The following NLGN4X variants were observed in gnomAD, a reference collection of about 807,000 sequenced individuals.
The protein encoded by NLGN4X is neuroligin-4, X-linked.
NLGN4X carries 3 observed loss-of-function variants against 40.3 expected under a neutral mutation model. The ratio of observed to expected loss-of-function variants is 0.07; its 90% confidence interval spans 0.03 to 0.19. NLGN4X has a LOEUF of 0.19. Ranked by LOEUF, NLGN4X falls within the 10% of genes least tolerant of loss-of-function variation. NLGN4X has a pLI of 1.00. For synonymous variants in NLGN4X, 270 were observed against 306.8 expected (o/e 0.88, Z 1.25); for missense variants, 382 against 708.3 (o/e 0.54, Z 5.23).
intron 1 of NLGN4X, among the ~76,000 whole-genome samples, chrX:6,223,600 A>G (rs951255693): frequency 8.9e-6 from 1 of 112,364 alleles, no homozygotes; most frequent in African/African-American, 3.2e-5. Context: ...TCACTTAACA[A>G]AGAACAGTGG....
chrX:6,162,179 T>A (rs180759740), intron 1 of NLGN4X, among the ~76,000 whole-genome samples: 17 of 112,048 alleles, frequency 1.5e-4, no homozygotes, highest in Non-Finnish European at 2.8e-4. Flanking sequence ...TGGGAGGTAG[T>A]ATGGGGCAGA....
At chrX:6,128,830 AT>A (rs957456032) in intron 2 of NLGN4X, among the ~76,000 whole-genome samples, 2 of 111,210 alleles carry the variant, frequency 1.8e-5, no homozygotes, top group African/African-American at 3.3e-5. Context: ...ATATTTTTTA[AT>A]TTTTTTTTGC....
At chrX:6,156,642 T>A (rs935362114) in intron 1 of NLGN4X, among the ~76,000 whole-genome samples, 1 of 111,847 alleles carries the variant, frequency 8.9e-6, no homozygotes, top group African/African-American at 3.3e-5. Flanking sequence ...TGTTCTCACT[T>A]AGAAGTGGGA....
intron 3 of NLGN4X, among the ~76,000 whole-genome samples, chrX:5,925,847 TACAC>T (rs1382630155): frequency 2.8e-5 from 1 of 36,169 alleles, no homozygotes; most frequent in Non-Finnish European, 4.3e-5. Flanking sequence ...TATATATACA[TACAC>T]ATATATATAT....
intron 2 of NLGN4X, among the ~76,000 whole-genome samples, chrX:6,140,083 T>C (rs1438518210): frequency 9.0e-6 from 1 of 111,459 alleles, no homozygotes; most frequent in African/African-American, 3.3e-5. Context: ...GAGAGTAGAA[T>C]GTAGCTAAAG....
intron 2 of NLGN4X, among the ~76,000 whole-genome samples, chrX:6,120,030 A>G (rs935157370): frequency 9.0e-6 from 1 of 111,580 alleles, no homozygotes; most frequent in African/African-American, 3.3e-5. Context: ...CAGCTACACA[A>G]AACAGAGGCA....
chrX:5,915,605 T>C (rs190182650), intron 3 of NLGN4X, among the ~76,000 whole-genome samples: 2 of 112,010 alleles, frequency 1.8e-5, no homozygotes, highest in Admixed American at 1.9e-4. Context: ...AGCAGTGTGA[T>C]CTTGGCTCAC....
chrX:5,959,824 T>A (rs140168659), intron 3 of NLGN4X, among the ~76,000 whole-genome samples: 1,780 of 111,260 alleles, frequency 0.016, 36 homozygotes, highest in African/African-American at 0.056. Flanking sequence ...TTCGTGGTGA[T>A]GCTGTTTGTT....
chrX:6,222,187 A>T (rs887540560), intron 1 of NLGN4X, among the ~76,000 whole-genome samples: 6 of 111,085 alleles, frequency 5.4e-5, no homozygotes, highest in Non-Finnish European at 1.9e-5. Flanking sequence ...GCATACAAAC[A>T]ACCAAACAAA....
chrX:6,012,088 C>G (rs1299455943), intron 3 of NLGN4X, among the ~76,000 whole-genome samples: 1 of 112,120 alleles, frequency 8.9e-6, no homozygotes, highest in Non-Finnish European at 1.9e-5. Flanking sequence ...AATTGCAATT[C>G]CAAGGCAGAG....
intron 3 of NLGN4X, among the ~76,000 whole-genome samples, chrX:5,959,846 T>G (rs775250633): frequency 4.5e-5 from 5 of 111,371 alleles, no homozygotes; most frequent in Admixed American, 1.9e-4. Flanking sequence ...TGGTTATGAT[T>G]TAGATTTCTA....
intron 1 of NLGN4X, among the ~76,000 whole-genome samples, chrX:6,155,653 T>C (rs1413054484): frequency 1.8e-5 from 2 of 112,585 alleles, no homozygotes; most frequent in African/African-American, 6.5e-5. Context: ...TTTGTACATG[T>C]AGATATTTTA....
intron 3 of NLGN4X, among the ~76,000 whole-genome samples, chrX:6,015,724 C>T (rs185664392): frequency 5.6e-4 from 63 of 111,681 alleles, no homozygotes; most frequent in African/African-American, 1.8e-3. Flanking sequence ...TCCTAATACC[C>T]TTTATCTGTC....
chrX:6,002,843 T>C (rs762892836), intron 3 of NLGN4X, among the ~76,000 whole-genome samples: 2 of 111,893 alleles, frequency 1.8e-5, no homozygotes, highest in Admixed American at 1.9e-4. Context: ...GAAATTATAG[T>C]TGGACATCAG....
At chrX:5,894,104 C>T (rs1433340164) in intron 5 of NLGN4X, among the ~76,000 whole-genome samples, 6 of 111,574 alleles carry the variant, frequency 5.4e-5, no homozygotes, top group Middle Eastern at 4.6e-3. Context: ...TTTTGGTTTC[C>T]GTAGACGAAG....
chrX:6,030,831 A>T (rs1050765550), intron 2 of NLGN4X, among the ~76,000 whole-genome samples: 1 of 112,349 alleles, frequency 8.9e-6, no homozygotes, highest in Non-Finnish European at 1.9e-5. Flanking sequence ...TGCTATATGA[A>T]TAAGAAATGG....
At chrX:6,062,671 G>A (rs976506713) in intron 2 of NLGN4X, among the ~76,000 whole-genome samples, 1 of 110,479 alleles carries the variant, frequency 9.1e-6, no homozygotes, top group Non-Finnish European at 1.9e-5. Flanking sequence ...AATCATGGGG[G>A]TGTGTCTTTC....
At chrX:6,189,133 G>A (rs1420098734) in intron 1 of NLGN4X, among the ~76,000 whole-genome samples, 2 of 112,261 alleles carry the variant, frequency 1.8e-5, no homozygotes, top group Non-Finnish European at 3.8e-5. Flanking sequence ...TAGCAGCAGA[G>A]CTGGATTACA....
chrX:6,060,725 T>A (rs769300620), intron 2 of NLGN4X, among the ~76,000 whole-genome samples: 2 of 111,377 alleles, frequency 1.8e-5, no homozygotes, highest in East Asian at 5.7e-4. Flanking sequence ...ACTAACCCAT[T>A]TACCCATGTG....
Sources: gnomAD v4.1 joint callset for allele counts (sites outside exome capture counted in the v4.1 genomes callset) on GRCh38, gnomAD v4.1.1 for gene constraint, MANE v1.5 for transcripts, NCBI Gene and HGNC (gene_info 2026-07-23, HGNC 2026-07-21) for gene names.